RPS6KA5: variants seen among roughly 807,000 people sequenced by gnomAD.
The protein encoded by RPS6KA5 is ribosomal protein S6 kinase alpha-5.
RPS6KA5 carries 27 observed loss-of-function variants against 85.5 expected under a neutral mutation model. The ratio of observed to expected loss-of-function variants is 0.32; its 90% CI spans 0.23 to 0.44. RPS6KA5 has a LOEUF of 0.44. Ranked by LOEUF, RPS6KA5 falls within the 20% of genes least tolerant of loss-of-function variation. RPS6KA5 has a pLI of 1.00. For missense variants in RPS6KA5, 811 were observed against 980.9 expected, an observed-to-expected ratio of 0.83 and a Z score of 2.31; for synonymous variants, 334 against 348.2, an observed-to-expected ratio of 0.96 and a Z score of 0.46.
At chr14:90,884,223 T>C (rs2140170848) in intron 14 of RPS6KA5, among the ~76,000 whole-genome samples, 1 of 152,320 alleles carries the variant, frequency 6.6e-6, no homozygotes, top group African/African-American at 2.4e-5. Context: ...TAGGTTGTTT[T>C]AGGAATACGT....
intron 2 of RPS6KA5, among the ~76,000 whole-genome samples, chr14:90,978,928 C>T (rs2039680341): frequency 6.6e-6 from 1 of 151,986 alleles, no homozygotes; most frequent in Admixed American, 6.5e-5. Context: ...GAAGGCAGTT[C>T]TTAATAAGAA....
intron 13 of RPS6KA5, among the ~76,000 whole-genome samples, chr14:90,892,780 A>G (rs1445173091): frequency 1.3e-5 from 2 of 152,208 alleles, no homozygotes; most frequent in Non-Finnish European, 2.9e-5. Flanking sequence ...AATAATATAC[A>G]CTGCCATTTA....
rs1295251386 is a variant in RPS6KA5, at chr14:90,855,117, C to T, written c.*16957G>A. 1 of 152,090 alleles carries T rather than the reference C, an allele frequency of 6.6e-6. No individual in the cohort carries two copies. The highest frequency in any genetic ancestry group is 2.4e-5 in the African/African-American group (1 of 41,420). 9.4% of individuals were successfully genotyped at this position (152,090 alleles called of 1,614,324 possible). On this transcript the variant is annotated 3_prime_UTR_variant, in exon 17 of 17. Transcript: ENST00000614987. ...TATAAGTTCACTCATATTGATAAAACTTTTGCATTCAAATGAATACAGATT... is the reference window on the plus strand; with the variant it reads ...TATAAGTTCACTCATATTGATAAAATTTTTGCATTCAAATGAATACAGATT...
intron 1 of RPS6KA5, among the ~76,000 whole-genome samples, chr14:91,009,195 G>A: frequency 6.6e-6 from 1 of 152,160 alleles, no homozygotes; most frequent in East Asian, 1.9e-4. Flanking sequence ...TGGGGCCACT[G>A]GAAAGTGATT....
intron 2 of RPS6KA5, among the ~76,000 whole-genome samples, chr14:90,989,368 A>G (rs1178848969): frequency 6.6e-6 from 1 of 152,240 alleles, no homozygotes; most frequent in Admixed American, 6.5e-5. Context: ...TGAAAGCACC[A>G]AAACCAGAAG....
chr14:91,057,419 G>A (rs2043368459), intron 1 of RPS6KA5, among the ~76,000 whole-genome samples: 1 of 151,994 alleles, frequency 6.6e-6, no homozygotes, highest in Non-Finnish European at 1.5e-5. Flanking sequence ...ATATGCCAGG[G>A]GCTGCAAATA....
intron 1 of RPS6KA5, among the ~76,000 whole-genome samples, chr14:91,054,917 T>A (rs1285991): frequency 6.6e-6 from 1 of 151,816 alleles, no homozygotes. Context: ...AAGAGACATG[T>A]ACCTAAAATA....
chr14:90,886,835 A>T (rs1029242815), intron 14 of RPS6KA5, among the ~76,000 whole-genome samples: 1 of 152,256 alleles, frequency 6.6e-6, no homozygotes, highest in African/African-American at 2.4e-5. Context: ...GGGATTGTAT[A>T]TCCATCAGGT....
rs766067004 is a variant in RPS6KA5 at position 90,867,322 on chromosome 14, C to G, written c.*4752G>C. ...AAAAACTGCTTAATGTGGCAAGGAA[C>G]AAGAATGAAACTAGATTTTTTTTTT... On this transcript the variant is annotated 3_prime_UTR_variant, in exon 17 of 17. Transcript: ENST00000614987. 14 of 151,546 alleles carry G rather than the reference C, an allele frequency of 9.2e-5. No individual in the cohort carries two copies. Among genetic ancestry groups the G allele is most frequent in the Non-Finnish European group, 1.9e-4 (13 of 67,878 alleles). 9.4% of individuals were successfully genotyped at this position (151,546 alleles called of 1,614,324 possible). A position where few individuals can be genotyped will look rare whatever the true frequency, so the allele number is the denominator to read the frequency against.
intron 5 of RPS6KA5, among the ~76,000 whole-genome samples, chr14:90,942,850 T>C (rs754899803): frequency 1.7e-4 from 25 of 149,074 alleles, no homozygotes; most frequent in South Asian, 8.3e-4. Flanking sequence ...GTCTTTTTTC[T>C]TTTTTAAATA....
intron 15 of RPS6KA5, among the ~76,000 whole-genome samples, chr14:90,874,749 G>A (rs1750234022): frequency 6.6e-6 from 1 of 152,184 alleles, no homozygotes; most frequent in African/African-American, 2.4e-5. Flanking sequence ...GCAGGTGAAT[G>A]GGAAGGAAGG....
At chr14:90,904,060 C>T (rs1196582782) in intron 8 of RPS6KA5, among the ~76,000 whole-genome samples, 1 of 152,086 alleles carries the variant, frequency 6.6e-6, no homozygotes, top group African/African-American at 2.4e-5. Flanking sequence ...CGCCATTCTC[C>T]TGCCTCAGCC....
chr14:90,994,042 A>T (rs974849282), intron 2 of RPS6KA5, among the ~76,000 whole-genome samples: 1 of 151,952 alleles, frequency 6.6e-6, no homozygotes. Flanking sequence ...TCATGCATGC[A>T]CCACCATGCC....
chr14:91,046,518 T>C lies in RPS6KA5; in HGVS notation c.103+13814A>G, dbSNP rs544547476. On this transcript the variant is annotated intron_variant, in intron 1 of 16. Coordinates refer to ENST00000614987, the MANE Select transcript of RPS6KA5 (RefSeq NM_004755.4). Reference sequence around the variant, plus strand: ...TGCTGTCTTCATGCAGCATCATATTTAGATAGAAAGTGTGACACTATCCTT... The same window carrying C: ...TGCTGTCTTCATGCAGCATCATATTCAGATAGAAAGTGTGACACTATCCTT... 2.0e-5 allele frequency among the ~76,000 whole-genome samples: 3 copies of C among 152,332 alleles called. No homozygotes were observed. In the East Asian group the frequency reaches 5.8e-4, roughly 29 times the overall value.
intron 14 of RPS6KA5, among the ~76,000 whole-genome samples, chr14:90,880,860 G>T (rs562500621): frequency 6.7e-6 from 1 of 149,354 alleles, no homozygotes; most frequent in African/African-American, 2.5e-5. Context: ...GTGAGACAAG[G>T]TGTCGCTCTG....
intron 5 of RPS6KA5, among the ~76,000 whole-genome samples, chr14:90,936,670 A>T (rs1042694177): frequency 6.6e-6 from 1 of 152,222 alleles, no homozygotes; most frequent in African/African-American, 2.4e-5. Flanking sequence ...TTATATTTGT[A>T]GGGTCTAGTG....
chr14:91,013,507 C>T (rs1042088440), intron 1 of RPS6KA5, among the ~76,000 whole-genome samples: 5 of 151,730 alleles, frequency 3.3e-5, no homozygotes, highest in Non-Finnish European at 5.9e-5. Context: ...TACAGAAAAC[C>T]ACCAAAACAA....
rs2031891731 is a variant in RPS6KA5 at position 90,849,670 on chromosome 14, G to T, written c.*22404C>A. 2 of 152,372 alleles carry T rather than the reference G, an allele frequency of 1.3e-5. No individual in the cohort carries two copies. The highest frequency in any genetic ancestry group is 4.1e-4 in the South Asian group (2 of 4,820). The allele number at this position is 152,372 out of a possible 1,614,324, so 9.4% of individuals were successfully genotyped here. A position where few individuals can be genotyped will look rare whatever the true frequency, so the allele number is the denominator to read the frequency against. Reference sequence around the variant, plus strand: ...CACACAGGAGAGAGTCGGGGCTGGTGGGGAGGCAGAGAGAGAGAAAGGAAA... The same window carrying T: ...CACACAGGAGAGAGTCGGGGCTGGTTGGGAGGCAGAGAGAGAGAAAGGAAA... On this transcript the variant is annotated 3_prime_UTR_variant, in exon 17 of 17. Transcript: ENST00000614987.
At chr14:91,050,776 A>C (rs561961123) in intron 1 of RPS6KA5, among the ~76,000 whole-genome samples, 1 of 152,218 alleles carries the variant, frequency 6.6e-6, no homozygotes, top group African/African-American at 2.4e-5. Context: ...AAAATAAAAA[A>C]AAAGCAAGTA....
Sources: allele counts gnomAD v4.1 joint callset (sites outside exome capture counted in the v4.1 genomes callset), GRCh38; gene constraint gnomAD v4.1.1; transcripts MANE v1.5; gene names NCBI Gene and HGNC (gene_info 2026-07-23, HGNC 2026-07-21).